TXNRD3: variants seen among roughly 807,000 people sequenced by gnomAD.
TXNRD3 encodes the protein TXNRD3 neighbor gene protein.
Under a neutral mutation model 78.2 loss-of-function variants are expected in TXNRD3, and 68 were observed. The ratio of observed to expected loss-of-function variants is 0.87; its 90% CI spans 0.72 to 1.06. The LOEUF is 1.06. TXNRD3 is among the 50% of genes least tolerant of loss of function. The pLI, the probability that TXNRD3 is intolerant of heterozygous loss-of-function variation, is 0.00. For missense variants in TXNRD3, 751 were observed against 809.5 expected, an observed-to-expected ratio of 0.93 and a Z score of 0.88; for synonymous variants, 296 against 300.1, an observed-to-expected ratio of 0.99 and a Z score of 0.14.
chr3:126,641,502 A>G (rs958908961), intron 6 of TXNRD3, among the ~76,000 whole-genome samples: 3 of 152,196 alleles, frequency 2.0e-5, no homozygotes, highest in Non-Finnish European at 2.9e-5. Context: ...CATGGAGCCA[A>G]TACTCAAAGC....
chr3:126,624,691 G>C (rs1264809484), intron 10 of TXNRD3: 1 of 152,556 alleles, frequency 6.6e-6, no homozygotes, highest in Non-Finnish European at 1.5e-5. Context: ...AAAGTGCTGG[G>C]TTAAATGGTC....
At chr3:126,631,653 T>G (rs1938717245) in intron 8 of TXNRD3, 111 bp downstream of exon 8, 1 of 711,054 alleles carries the variant, frequency 1.4e-6, no homozygotes. Context: ...TGTATATATT[T>G]TCATTTGTTA....
intron 12 of TXNRD3, among the ~76,000 whole-genome samples, chr3:126,616,911 A>C (rs1938331892): frequency 1.3e-5 from 2 of 152,036 alleles, no homozygotes; most frequent in Non-Finnish European, 2.9e-5. Flanking sequence ...CCAAGAATTT[A>C]TTTTCTTTTC....
At chr3:126,631,905 C>G in intron 7 of TXNRD3, 26 bp from the exon 8 acceptor site, 2 of 1,459,420 alleles carry the variant, frequency 1.4e-6, no homozygotes, top group Non-Finnish European at 1.9e-6. Context: ...GTAAACCTCA[C>G]TTAGCAAACA....
chr3:126,612,117 C>A (rs545908107), intron 13 of TXNRD3, among the ~76,000 whole-genome samples: 4 of 152,130 alleles, frequency 2.6e-5, no homozygotes, highest in Non-Finnish European at 5.9e-5. Context: ...CAGCTCACTG[C>A]AGCCTTGACT....
At chr3:126,633,678 GAC>G (rs1183639925) in intron 7 of TXNRD3, among the ~76,000 whole-genome samples, 1 of 152,088 alleles carries the variant, frequency 6.6e-6, no homozygotes, top group Non-Finnish European at 1.5e-5. Context: ...TAAAATCAAA[GAC>G]AAATAATTTT....
chr3:126,615,118 T>C (rs998051531), intron 13 of TXNRD3, among the ~76,000 whole-genome samples: 5 of 152,232 alleles, frequency 3.3e-5, no homozygotes, highest in African/African-American at 1.2e-4. Context: ...TTTTTGTTAC[T>C]TGTAATTCAA....
At chr3:126,620,322 C>CACAA (rs1319942170) in intron 12 of TXNRD3, among the ~76,000 whole-genome samples, 2 of 148,132 alleles carry the variant, frequency 1.4e-5, no homozygotes, top group Non-Finnish European at 3.0e-5. Context: ...AAAAATCACA[C>CACAA]ACAAACACTC....
intron 6 of TXNRD3, among the ~76,000 whole-genome samples, chr3:126,637,915 A>C (rs1932943473): frequency 7.8e-6 from 1 of 127,564 alleles, no homozygotes; most frequent in Admixed American, 7.8e-5. Context: ...AACTTATTTT[A>C]ACCTATATTT....
chr3:126,616,581 C>T (rs563519611), intron 12 of TXNRD3, among the ~76,000 whole-genome samples: 2 of 152,282 alleles, frequency 1.3e-5, no homozygotes, highest in Admixed American at 1.3e-4. Context: ...TCTGTACAAA[C>T]CCCCCACTGT....
At chr3:126,627,504 G>A (rs985123053) in intron 10 of TXNRD3, among the ~76,000 whole-genome samples, 7 of 152,188 alleles carry the variant, frequency 4.6e-5, no homozygotes, top group African/African-American at 1.7e-4. Context: ...AAAACTGACT[G>A]AACTGTACAC....
chr3:126,611,441 C>G (rs1938197118), intron 13 of TXNRD3, among the ~76,000 whole-genome samples: 1 of 152,208 alleles, frequency 6.6e-6, no homozygotes, highest in Admixed American at 6.5e-5. Flanking sequence ...GGCACAGGCT[C>G]TCGTGTGGGC....
intron 10 of TXNRD3, among the ~76,000 whole-genome samples, chr3:126,625,388 G>A (rs1419788668): frequency 2.8e-5 from 4 of 143,942 alleles, no homozygotes; most frequent in African/African-American, 7.8e-5. Context: ...TCCCACCTAT[G>A]AGTGAGAACA....
At chr3:126,637,529 T>C (rs1246730522) in intron 6 of TXNRD3, among the ~76,000 whole-genome samples, 1 of 152,144 alleles carries the variant, frequency 6.6e-6, no homozygotes, top group Non-Finnish European at 1.5e-5. Flanking sequence ...ATTTTCCTGT[T>C]TAAAAATTTC....
Position 126,615,386 on chromosome 3 carries a change from G to T in TXNRD3, c.1601C>A (p.Ala534Asp), listed in dbSNP as rs915456647. 14 of 1,512,556 alleles carry T rather than the reference G, an allele frequency of 9.3e-6. No homozygotes were observed. Among genetic ancestry groups the T allele is most frequent in the Non-Finnish European group, 1.1e-5 (13 of 1,135,186 alleles). The allele number at this position is 1,512,556 out of a possible 1,614,324, so 93.7% of individuals were successfully genotyped here. A position where few individuals can be genotyped will look rare whatever the true frequency, so the allele number is the denominator to read the frequency against. Residue 534 changes from alanine to aspartate, a missense_variant, in exon 13 of 16, where the codon GCT becomes GAT. Coordinates refer to ENST00000524230, the MANE Select transcript of TXNRD3 (RefSeq NM_052883.3). ...ATTCTCTTTTTTATATACTTCAATA[G>T]CTTTCTCTTCAGATAATCCACAGCA... is the stretch of plus-strand genomic sequence containing the variant.
rs891498205 is a variant in TXNRD3, at chr3:126,632,806, C to T, written c.856-927G>A. 2.6e-5 allele frequency among the ~76,000 whole-genome samples: 4 copies of T among 152,092 alleles called. No individual in the cohort carries two copies. The South Asian group carries it at 6.2e-4, about 24-fold the overall frequency. ...TGGAGAACAGAGCCTGGAGAAAGAG[C>T]CTTGCTTAGAAGGGCTCTGAAACAG... On this transcript the variant is annotated intron_variant, in intron 7 of 15. Coordinates refer to ENST00000524230, the MANE Select transcript of TXNRD3 (RefSeq NM_052883.3).
At chr3:126,642,808 T>C (rs1361752873) in intron 5 of TXNRD3, among the ~76,000 whole-genome samples, 2 of 152,214 alleles carry the variant, frequency 1.3e-5, no homozygotes, top group South Asian at 2.1e-4. Context: ...TTCTAGGCTA[T>C]AACTTTCTGA....
At chr3:126,653,949 T>C (rs959529696) in intron 1 of TXNRD3, among the ~76,000 whole-genome samples, 9 of 152,090 alleles carry the variant, frequency 5.9e-5, no homozygotes, top group African/African-American at 2.2e-4. Flanking sequence ...TATGTATGGT[T>C]CTATTTATAT....
intron 3 of TXNRD3, among the ~76,000 whole-genome samples, chr3:126,644,604 T>C (rs1456712834): frequency 6.6e-6 from 1 of 152,226 alleles, no homozygotes; most frequent in East Asian, 1.9e-4. Flanking sequence ...CCAAAGTACA[T>C]ATGTTTTTGT....
Sources: allele counts gnomAD v4.1 joint callset (sites outside exome capture counted in the v4.1 genomes callset), GRCh38; gene constraint gnomAD v4.1.1; transcripts MANE v1.5; gene names NCBI Gene and HGNC (gene_info 2026-07-23, HGNC 2026-07-21).